WDR64: variants seen among roughly 807,000 people sequenced by gnomAD.
WDR64 encodes the protein WD repeat domain 64, also known as WD repeat-containing protein 64.
Under a neutral mutation model 139.3 loss-of-function variants are expected in WDR64, and 112 were observed. That is an observed-to-expected ratio of 0.80 (90% CI 0.69 to 0.94). The LOEUF is 0.94. Among genes scored for constraint, WDR64 ranks in the 40% least tolerant of loss-of-function variants. The pLI is 0.00. For synonymous variants in WDR64, 444 were observed against 437.7 expected, an observed-to-expected ratio of 1.01 and a Z score of -0.18; for missense variants, 1,206 against 1,293.1, an observed-to-expected ratio of 0.93 and a Z score of 1.03.
chr1:241,661,642 A>G (rs1665837359), intron 2 of WDR64, among the ~76,000 whole-genome samples: 1 of 152,244 alleles, frequency 6.6e-6, no homozygotes, highest in East Asian at 1.9e-4. Flanking sequence ...TAAATTCTAA[A>G]CTCCTAAATA....
At chr1:241,714,757 A>G (rs767639262) in intron 9 of WDR64, among the ~76,000 whole-genome samples, 33 of 152,192 alleles carry the variant, frequency 2.2e-4, no homozygotes, top group Non-Finnish European at 3.2e-4. Flanking sequence ...AATGCACTAG[A>G]AGTTAGAATA....
intron 25 of WDR64, among the ~76,000 whole-genome samples, chr1:241,794,453 A>G (rs1039257998): frequency 9.3e-5 from 14 of 151,128 alleles, no homozygotes; most frequent in African/African-American, 2.4e-5. Flanking sequence ...AATGAGTTTT[A>G]GAGCCCTTGA....
chr1:241,788,726 A>G (rs1659127271), intron 24 of WDR64, among the ~76,000 whole-genome samples: 2 of 152,232 alleles, frequency 1.3e-5, no homozygotes, highest in African/African-American at 2.4e-5. Flanking sequence ...CAGGATTTGG[A>G]TCAAAGCAGG....
intron 8 of WDR64, among the ~76,000 whole-genome samples, chr1:241,704,467 A>T (rs1667857952): frequency 6.6e-6 from 1 of 152,242 alleles, no homozygotes; most frequent in Non-Finnish European, 1.5e-5. Flanking sequence ...TATGCAGCTG[A>T]ATATGAACAT....
chr1:241,756,159 GC>G (rs1435695136), intron 14 of WDR64, among the ~76,000 whole-genome samples: 3 of 152,120 alleles, frequency 2.0e-5, no homozygotes, highest in African/African-American at 7.2e-5. Context: ...GGTTAGTATG[GC>G]CATTTTCACG....
intron 4 of WDR64, among the ~76,000 whole-genome samples, chr1:241,675,595 A>G (rs1400996054): frequency 2.0e-5 from 3 of 152,194 alleles, no homozygotes; most frequent in Admixed American, 2.0e-4. Context: ...GTGATTAATA[A>G]AAGGTCCCAT....
intron 11 of WDR64, among the ~76,000 whole-genome samples, chr1:241,739,293 G>T (rs1435136363): frequency 6.6e-6 from 1 of 152,160 alleles, no homozygotes; most frequent in Non-Finnish European, 1.5e-5. Flanking sequence ...TTAATAGTAG[G>T]TCCTCCTTCT....
At chr1:241,791,953 T>C (rs1229984614) in intron 25 of WDR64, among the ~76,000 whole-genome samples, 2 of 152,232 alleles carry the variant, frequency 1.3e-5, no homozygotes, top group Non-Finnish European at 2.9e-5. Flanking sequence ...TTTCTAATTT[T>C]AACACTTCTA....
chr1:241,727,942 C>T (rs546843285), intron 10 of WDR64, among the ~76,000 whole-genome samples: 3 of 152,070 alleles, frequency 2.0e-5, no homozygotes, highest in Non-Finnish European at 4.4e-5. Context: ...TTGAATCTCA[C>T]CTCTGAGGAG....
At chr1:241,766,377 A>T (rs1436859225) in intron 16 of WDR64, 26 bp downstream of exon 16, 3 of 1,609,096 alleles carry the variant, frequency 1.9e-6, no homozygotes, top group Non-Finnish European at 2.5e-6. Context: ...TCCTTAAACA[A>T]TGTAAAAGCT....
At chr1:241,685,532 A>T (rs946857162) in intron 7 of WDR64, among the ~76,000 whole-genome samples, 1 of 152,178 alleles carries the variant, frequency 6.6e-6, no homozygotes, top group African/African-American at 2.4e-5. Flanking sequence ...GGTGATTTTT[A>T]AAATTTTATT....
In WDR64 at chr1:241,802,545, G is replaced by C. The variant is rs1055658713; in HGVS notation, c.*1330G>C. On this transcript the variant is annotated 3_prime_UTR_variant, in exon 28 of 28. Coordinates refer to ENST00000437684, the MANE Select transcript of WDR64 (RefSeq NM_001367482.1). ...GATATTTCTGCATTTCGTTGTATGTGAATTTTTTCAAAAAATTAAGAATTG... is the reference window on the plus strand; with the variant it reads ...GATATTTCTGCATTTCGTTGTATGTCAATTTTTTCAAAAAATTAAGAATTG... 4.6e-5 allele frequency among the ~76,000 whole-genome samples: 7 copies of C among 152,258 alleles called. No homozygotes were observed. The highest frequency in any genetic ancestry group is 1.0e-4 in the Non-Finnish European group (7 of 68,000).
chr1:241,653,546 T>TC lies in WDR64; in HGVS notation c.145+917_145+918insC, dbSNP rs1394354594. 2.0e-5 allele frequency among the ~76,000 whole-genome samples: 3 copies of TC among 146,932 alleles called. No homozygotes were observed. The East Asian group carries it at 5.9e-4, about 29-fold the overall frequency. ...CCAAATTCTTTTCTTTTCTTTTCTT[T>TC]TTTTTTTTTTTTCTGAGACGGAGTT... On this transcript the variant is annotated intron_variant, in intron 1 of 27. Coordinates refer to ENST00000437684, the MANE Select transcript of WDR64 (RefSeq NM_001367482.1).
intron 10 of WDR64, among the ~76,000 whole-genome samples, chr1:241,733,202 C>G (rs1421266078): frequency 7.9e-5 from 12 of 152,094 alleles, no homozygotes; most frequent in Admixed American, 4.6e-4. Flanking sequence ...TGGCCAGGCA[C>G]GGTGGCTCAC....
At chr1:241,673,882 T>C (rs1217163288) in intron 3 of WDR64, among the ~76,000 whole-genome samples, 3 of 152,192 alleles carry the variant, frequency 2.0e-5, no homozygotes, top group Admixed American at 6.5e-5. Flanking sequence ...GTTTCATTCT[T>C]TTATATTGAA....
intron 8 of WDR64, among the ~76,000 whole-genome samples, chr1:241,689,075 A>G (rs1667116020): frequency 6.6e-6 from 1 of 152,126 alleles, no homozygotes; most frequent in Non-Finnish European, 1.5e-5. Flanking sequence ...GGTCGCACCT[A>G]AGAGGGAGGG....
chr1:241,686,295 G>A (rs978701101), intron 7 of WDR64, among the ~76,000 whole-genome samples: 2 of 152,124 alleles, frequency 1.3e-5, no homozygotes, highest in Admixed American at 6.5e-5. Context: ...TTGAATGGGT[G>A]GATATGGGGG....
intron 3 of WDR64, among the ~76,000 whole-genome samples, chr1:241,673,936 T>C (rs1385280525): frequency 6.6e-6 from 1 of 152,102 alleles, no homozygotes; most frequent in Non-Finnish European, 1.5e-5. Context: ...TAAACCACAA[T>C]GGTGAGAATT....
At chr1:241,717,774 A>G (rs1435383807) in intron 9 of WDR64, among the ~76,000 whole-genome samples, 1 of 152,164 alleles carries the variant, frequency 6.6e-6, no homozygotes, top group Non-Finnish European at 1.5e-5. Context: ...CCTTATTGCT[A>G]CTACTAGATT....
Sources: gnomAD v4.1 joint callset for allele counts (sites outside exome capture counted in the v4.1 genomes callset) on GRCh38, gnomAD v4.1.1 for gene constraint, MANE v1.5 for transcripts, NCBI Gene and HGNC (gene_info 2026-07-23, HGNC 2026-07-21) for gene names.